RBFOX1: variants seen among roughly 807,000 people sequenced by gnomAD.
The protein encoded by RBFOX1 is RNA binding protein fox-1 homolog 1.
RBFOX1 carries 8 observed loss-of-function variants against 57.7 expected under a neutral mutation model. The ratio of observed to expected loss-of-function variants is 0.14; its 90% CI spans 0.08 to 0.25. The LOEUF is 0.25. Ranked by LOEUF, RBFOX1 falls within the 10% of genes least tolerant of loss-of-function variation. RBFOX1 has a pLI of 1.00. For synonymous variants in RBFOX1, 326 were observed against 222.4 expected (o/e 1.47, Z -4.15); for missense variants, 611 against 548.5 (o/e 1.11, Z -1.14).
chr16:6,218,837 G>C (rs961684175), intron 1 of RBFOX1, among the ~76,000 whole-genome samples: 5 of 130,076 alleles, frequency 3.8e-5, no homozygotes, highest in African/African-American at 1.1e-4. Context: ...GTCCCAAATG[G>C]AGACAATTGA....
intron 3 of RBFOX1, among the ~76,000 whole-genome samples, chr16:7,045,786 G>A (rs1024481188): frequency 1.3e-5 from 2 of 151,998 alleles, no homozygotes; most frequent in African/African-American, 4.8e-5. Context: ...CTCCTGAGTA[G>A]CTGGGACTAC....
intron 3 of RBFOX1, among the ~76,000 whole-genome samples, chr16:6,807,727 A>T (rs2087217940): frequency 6.6e-6 from 1 of 152,070 alleles, no homozygotes; most frequent in African/African-American, 2.4e-5. Context: ...AAGGCAGAAG[A>T]ATCACTTGAA....
chr16:6,862,713 T>C (rs991089492), intron 3 of RBFOX1, among the ~76,000 whole-genome samples: 9 of 152,232 alleles, frequency 5.9e-5, no homozygotes, highest in African/African-American at 2.2e-4. Context: ...AAGAATTGTC[T>C]GTGGCTCACA....
At chr16:7,053,698 G>T (rs1423453473) in intron 4 of RBFOX1, among the ~76,000 whole-genome samples, 2 of 152,126 alleles carry the variant, frequency 1.3e-5, no homozygotes, top group African/African-American at 4.8e-5. Flanking sequence ...TGTGGTTTAG[G>T]TTCAAGAATG....
chr16:6,569,794 T>G (rs1229164151), intron 2 of RBFOX1, among the ~76,000 whole-genome samples: 3 of 152,184 alleles, frequency 2.0e-5, no homozygotes, highest in Non-Finnish European at 4.4e-5. Flanking sequence ...AGTGGCTGAA[T>G]TCCACGGCTG....
intron 4 of RBFOX1, among the ~76,000 whole-genome samples, chr16:7,339,307 G>T (rs1171485466): frequency 6.6e-6 from 1 of 152,180 alleles, no homozygotes; most frequent in Non-Finnish European, 1.5e-5. Context: ...AGGACTAGGT[G>T]ATGTGGTAGA....
chr16:6,995,364 A>G (rs549526781), intron 3 of RBFOX1, among the ~76,000 whole-genome samples: 3 of 147,212 alleles, frequency 2.0e-5, no homozygotes, highest in African/African-American at 5.0e-5. Context: ...TATGTGGCCA[A>G]CTTGGGGAGG....
intron 3 of RBFOX1, among the ~76,000 whole-genome samples, chr16:5,819,369 A>C (rs534582772): frequency 6.6e-6 from 1 of 152,146 alleles, no homozygotes; most frequent in African/African-American, 2.4e-5. Context: ...AGGGGACACA[A>C]TTATTTAGAC....
At chr16:5,250,064 G>T (rs2062410465) in intron 1 of RBFOX1, among the ~76,000 whole-genome samples, 1 of 151,892 alleles carries the variant, frequency 6.6e-6, no homozygotes, top group African/African-American at 2.4e-5. Flanking sequence ...GTGAGGAGGA[G>T]GTTGCAGTGA....
intron 2 of RBFOX1, among the ~76,000 whole-genome samples, chr16:6,578,833 A>T (rs1361469133): frequency 1.3e-5 from 2 of 152,116 alleles, no homozygotes; most frequent in Non-Finnish European, 2.9e-5. Context: ...GTTGCTAAAA[A>T]ATAATCTTTG....
intron 4 of RBFOX1, among the ~76,000 whole-genome samples, chr16:7,356,333 C>T (rs754565815): frequency 4.6e-5 from 7 of 151,974 alleles, no homozygotes; most frequent in Non-Finnish European, 1.0e-4. Flanking sequence ...AGAGGTATGC[C>T]CCAAGACACA....
chr16:5,973,796 A>G (rs537314780), intron 4 of RBFOX1, among the ~76,000 whole-genome samples: 1 of 152,342 alleles, frequency 6.6e-6, no homozygotes, highest in Non-Finnish European at 1.5e-5. Context: ...AGCAAGGACA[A>G]GGATCTGTCT....
At chr16:6,957,397 C>A (rs556877978) in intron 3 of RBFOX1, among the ~76,000 whole-genome samples, 1 of 152,118 alleles carries the variant, frequency 6.6e-6, no homozygotes, top group African/African-American at 2.4e-5. Flanking sequence ...CTGCGACTCA[C>A]GCTCAGCCGG....
chr16:6,150,982 C>T (rs565441686), intron 1 of RBFOX1, among the ~76,000 whole-genome samples: 1 of 152,258 alleles, frequency 6.6e-6, no homozygotes, highest in South Asian at 2.1e-4. Context: ...TTAGATGTTC[C>T]TGCTGTTCTC....
intron 4 of RBFOX1, among the ~76,000 whole-genome samples, chr16:5,922,358 G>A (rs992247758): frequency 1.3e-5 from 2 of 152,200 alleles, no homozygotes; most frequent in African/African-American, 4.8e-5. Context: ...ACCATATAGG[G>A]ATGGACGGAA....
At chr16:6,295,112 T>G (rs1050754980) in intron 1 of RBFOX1, among the ~76,000 whole-genome samples, 6 of 148,374 alleles carry the variant, frequency 4.0e-5, no homozygotes, top group Admixed American at 1.3e-4. Flanking sequence ...TTTTTTTTTT[T>G]TTTTTTTTTT....
chr16:5,592,491 A>C (rs1447840348), intron 2 of RBFOX1, among the ~76,000 whole-genome samples: 1 of 150,716 alleles, frequency 6.6e-6, no homozygotes, highest in Non-Finnish European at 1.5e-5. Context: ...ATTTCGGCTC[A>C]CTGCAACCTC....
chr16:5,766,408 A>C (rs1010756045), intron 3 of RBFOX1, among the ~76,000 whole-genome samples: 3 of 152,244 alleles, frequency 2.0e-5, no homozygotes, highest in Non-Finnish European at 4.4e-5. Context: ...AACATGACGA[A>C]ACCTCGTCTC....
chr16:6,888,747 G>C (rs551208234), intron 3 of RBFOX1, among the ~76,000 whole-genome samples: 5 of 152,238 alleles, frequency 3.3e-5, no homozygotes, highest in Non-Finnish European at 7.4e-5. Context: ...CTTACTTTGT[G>C]AGCTCATGCC....
Sources: gnomAD v4.1 joint callset for allele counts (sites outside exome capture counted in the v4.1 genomes callset) on GRCh38, gnomAD v4.1.1 for gene constraint, MANE v1.5 for transcripts, NCBI Gene and HGNC (gene_info 2026-07-23, HGNC 2026-07-21) for gene names.